The following PBRM1 variants were observed in gnomAD, a reference collection of about 807,000 sequenced individuals.
The protein encoded by PBRM1 is polybromo 1.
PBRM1 carries 27 observed loss-of-function variants against 194.5 expected under a neutral mutation model. The observed-to-expected ratio is 0.14, with a 90% CI of 0.10 to 0.19. PBRM1 has a LOEUF of 0.19. PBRM1 is among the 10% of genes least tolerant of loss of function. The pLI, the probability that PBRM1 is intolerant of heterozygous loss-of-function variation, is 1.00. For synonymous variants in PBRM1, 655 were observed against 693.2 expected (o/e 0.94, Z 0.87); for missense variants, 1,466 against 2,077.2 (o/e 0.71, Z 5.72).
chr3:52,600,189 C>A (rs564492305), intron 17 of PBRM1, among the ~76,000 whole-genome samples: 1 of 152,270 alleles, frequency 6.6e-6, no homozygotes, highest in African/African-American at 2.4e-5. Flanking sequence ...GGATCTTTGA[C>A]TCCTCTGTAA....
At chr3:52,674,642 AAATAT>A (rs1418262190) in intron 2 of PBRM1, among the ~76,000 whole-genome samples, 1 of 69,628 alleles carries the variant, frequency 1.4e-5, no homozygotes, top group African/African-American at 3.6e-5. Flanking sequence ...AAAAAAAAAA[AAATAT>A]ATATATATAT....
downstream of PBRM1, chr3:52,547,379 A>G (rs2079810464): frequency 4.3e-6 from 1 of 233,082 alleles, no homozygotes; most frequent in South Asian, 1.8e-4. Context: ...CAGGAGGTAC[A>G]TTAGCTGCAG....
intron 17 of PBRM1, among the ~76,000 whole-genome samples, chr3:52,591,368 T>C (rs144830614): frequency 2.2e-4 from 33 of 152,310 alleles, no homozygotes; most frequent in African/African-American, 7.7e-4. Flanking sequence ...CTTTTGGTTA[T>C]TTCAGCATGA....
chr3:52,597,957 G>C (rs1249823703), intron 17 of PBRM1, among the ~76,000 whole-genome samples: 2 of 152,142 alleles, frequency 1.3e-5, no homozygotes, highest in Non-Finnish European at 2.9e-5. Context: ...ACCCACTTTA[G>C]CCTTCCAAAG....
chr3:52,660,183 G>C (rs897554011), intron 4 of PBRM1, among the ~76,000 whole-genome samples: 1 of 152,154 alleles, frequency 6.6e-6, no homozygotes, highest in Admixed American at 6.6e-5. Flanking sequence ...ACAGAAGTAC[G>C]GGCAAGTCCT....
At chr3:52,615,017 GACAT>G (rs2094882608) in intron 15 of PBRM1, among the ~76,000 whole-genome samples, 2 of 152,010 alleles carry the variant, frequency 1.3e-5, no homozygotes, top group African/African-American at 4.8e-5. Context: ...GTAATTGTCA[GACAT>G]ACATACCAAG....
chr3:52,578,304 G>A (rs1210979073), intron 21 of PBRM1, among the ~76,000 whole-genome samples: 1 of 152,060 alleles, frequency 6.6e-6, no homozygotes, highest in Non-Finnish European at 1.5e-5. Flanking sequence ...CTAGAAAAAA[G>A]CTCCCCAGGA....
At chr3:52,602,046 G>A (rs2094034414) in intron 17 of PBRM1, among the ~76,000 whole-genome samples, 1 of 152,154 alleles carries the variant, frequency 6.6e-6, no homozygotes, top group Admixed American at 6.5e-5. Flanking sequence ...CAATCCCCAG[G>A]CCCCTGGATG....
chr3:52,658,526 C>T (rs2096654309), intron 4 of PBRM1, among the ~76,000 whole-genome samples: 1 of 151,836 alleles, frequency 6.6e-6, no homozygotes, highest in Non-Finnish European at 1.5e-5. Flanking sequence ...TCCCGAGTAG[C>T]TGGGATTATA....
intron 8 of PBRM1, among the ~76,000 whole-genome samples, chr3:52,644,166 C>CAATAATATTTGTACAAAGT (rs1288412067): frequency 6.6e-6 from 1 of 151,598 alleles, no homozygotes; most frequent in Non-Finnish European, 1.5e-5. Context: ...TTGTACAAAG[C>CAATAATATTTGTACAAAGT]AATAATATTT....
intron 5 of PBRM1, among the ~76,000 whole-genome samples, chr3:52,652,289 C>A (rs952632318): frequency 1.3e-5 from 2 of 150,194 alleles, no homozygotes; most frequent in African/African-American, 4.9e-5. Context: ...GAGGCTGAGG[C>A]AAGAGGATCG....
At chr3:52,627,503 A>G (rs1023412842) in intron 12 of PBRM1, 133 bp from the exon 14 acceptor site, 2 of 597,444 alleles carry the variant, frequency 3.3e-6, no homozygotes, top group Admixed American at 3.1e-5. Context: ...AAAATGAAAG[A>G]GTCATTAAAC....
At chr3:52,573,726 T>C (rs1040469448) in intron 22 of PBRM1, among the ~76,000 whole-genome samples, 5 of 152,230 alleles carry the variant, frequency 3.3e-5, no homozygotes, top group Non-Finnish European at 4.4e-5. Context: ...ATAAACTTTA[T>C]TGGAATTCTG....
chr3:52,676,135 A>T lies in PBRM1; in HGVS notation c.236+2365T>A, dbSNP rs1410385424. 1.8e-4 allele frequency among the ~76,000 whole-genome samples: 23 copies of T among 124,654 alleles called. 2 individuals are homozygous for T. The highest frequency in any genetic ancestry group is 3.7e-4 in the Non-Finnish European group (20 of 54,032). 81.8% of individuals were successfully genotyped at this position (124,654 alleles called of 152,430 possible). ...GTCTCAAAAAAAAAAAAAAAAAAAA[A>T]AAAAAAAAAAAAAAAAATAATGAAT... On this transcript the variant is annotated intron_variant, in intron 2 of 29. Coordinates refer to ENST00000296302, the Ensembl canonical transcript of PBRM1.
intron 3 of PBRM1, among the ~76,000 whole-genome samples, chr3:52,665,658 G>A (rs1410789008): frequency 6.6e-6 from 1 of 152,146 alleles, no homozygotes; most frequent in Non-Finnish European, 1.5e-5. Flanking sequence ...AACTGAGCAT[G>A]CAAGAGATCT....
At chr3:52,615,503 T>G (rs1330756140) in intron 14 of PBRM1, 47 bp from the exon 17 acceptor site, 11 of 1,202,772 alleles carry the variant, frequency 9.1e-6, no homozygotes, top group Non-Finnish European at 1.4e-5. Flanking sequence ...AACTTTTCAT[T>G]AAGGTATAAA....
chr3:52,563,457 C>T, exon 24 of PBRM1: 1 of 1,614,050 alleles, frequency 6.2e-7, no homozygotes, highest in Non-Finnish European at 8.5e-7. Context: ...TCTTTTCCAG[C>T]AAAGGTGATG....
chr3:52,588,545 T>C (rs1382385065), intron 18 of PBRM1, among the ~76,000 whole-genome samples: 2 of 149,260 alleles, frequency 1.3e-5, no homozygotes, highest in Non-Finnish European at 3.0e-5. Flanking sequence ...AGAAGCTGTA[T>C]TTCTTTCTTT....
chr3:52,678,734 C>T lies in PBRM1; in HGVS notation c.139-137G>A, dbSNP rs148833520. 2,300 of 584,630 alleles carry T rather than the reference C, an allele frequency of 3.9e-3. 4 individuals are homozygous for T. Among genetic ancestry groups the T allele is most frequent in the Middle Eastern group, 5.8e-3 (13 of 2,236 alleles). The allele number at this position is 584,630 out of a possible 1,614,324, so 36.2% of individuals were successfully genotyped here. A position where few individuals can be genotyped will look rare whatever the true frequency, so the allele number is the denominator to read the frequency against. On this transcript the variant is annotated intron_variant, in intron 1 of 29. Transcript: ENST00000296302. ...ATGACTCTCAATATTACCAAACATGCTAAAGTCTGAAATATGCTGACAATA... is the reference window on the plus strand; with the variant it reads ...ATGACTCTCAATATTACCAAACATGTTAAAGTCTGAAATATGCTGACAATA...
Sources: allele counts gnomAD v4.1 joint callset (sites outside exome capture counted in the v4.1 genomes callset), GRCh38; gene constraint gnomAD v4.1.1; transcripts MANE v1.5; gene names NCBI Gene and HGNC (gene_info 2026-07-23, HGNC 2026-07-21).